Variants in SAMD5 observed in about 807,000 individuals in gnomAD.
SAMD5 encodes sterile alpha motif domain-containing protein 5.
A neutral mutation model predicts 11.3 loss-of-function variants in SAMD5; 13 were observed. The ratio of observed to expected loss-of-function variants is 1.15; its 90% CI spans 0.75 to 1.83. The LOEUF is 1.83. Among genes scored for constraint, SAMD5 ranks in the 40% most tolerant of loss-of-function variants. The pLI is 0.00. For synonymous variants in SAMD5, 129 were observed against 111.3 expected, an observed-to-expected ratio of 1.16 and a Z score of -1.00; for missense variants, 255 against 239.1, an observed-to-expected ratio of 1.07 and a Z score of -0.44.
chr6:147,547,653 A>G (rs1285252017), intron 1 of SAMD5, among the ~76,000 whole-genome samples: 4 of 152,200 alleles, frequency 2.6e-5, no homozygotes, highest in Non-Finnish European at 4.4e-5. Flanking sequence ...CCAACCCGAG[A>G]GAATAATCTC....
chr6:147,577,486 T>C (rs996584135), intron 1 of SAMD5, among the ~76,000 whole-genome samples: 12 of 152,168 alleles, frequency 7.9e-5, no homozygotes, highest in Non-Finnish European at 1.3e-4. Context: ...CTCATTCCTT[T>C]CTTTCTTTCT....
the SAMD5 span, among the ~76,000 whole-genome samples, chr6:147,803,941 G>A: frequency 6.6e-6 from 1 of 152,060 alleles, no homozygotes; most frequent in Non-Finnish European, 1.5e-5. Flanking sequence ...TGAAGCTCCT[G>A]CTCCTTCTCG....
chr6:147,747,399 G>C, the SAMD5 span, among the ~76,000 whole-genome samples: 2 of 152,196 alleles, frequency 1.3e-5, no homozygotes, highest in Admixed American at 6.5e-5. Flanking sequence ...ATTAAATGGG[G>C]ATGGTGAAGA....
At chr6:147,813,323 T>A in the SAMD5 span, among the ~76,000 whole-genome samples, 1 of 152,200 alleles carries the variant, frequency 6.6e-6, no homozygotes, top group African/African-American at 2.4e-5. Context: ...CAAACTCAAA[T>A]TGAATTGAGA....
At chr6:147,937,136 G>C in the SAMD5 span, among the ~76,000 whole-genome samples, 1 of 152,130 alleles carries the variant, frequency 6.6e-6, no homozygotes, top group South Asian at 2.1e-4. Context: ...ACCCACCTTT[G>C]TCTCTGCCAT....
chr6:147,941,183 A>C, the SAMD5 span, among the ~76,000 whole-genome samples: 4 of 152,194 alleles, frequency 2.6e-5, no homozygotes, highest in South Asian at 2.1e-4. Flanking sequence ...TAGAGGCAAT[A>C]CCTACCTGTG....
the SAMD5 span, among the ~76,000 whole-genome samples, chr6:147,813,391 A>G: frequency 3.9e-5 from 6 of 152,220 alleles, no homozygotes; most frequent in East Asian, 5.8e-4. Context: ...GTATTTTATG[A>G]CTACCAAGTT....
At chr6:147,730,351 G>A in intron 1 of SAMD5, 1 of 227,324 alleles carries the variant, frequency 4.4e-6, no homozygotes, top group Non-Finnish European at 9.0e-6. Context: ...AACAGTATGG[G>A]GGTGCCTACA....
chr6:147,780,192 T>C, the SAMD5 span, among the ~76,000 whole-genome samples: 1 of 152,084 alleles, frequency 6.6e-6, no homozygotes, highest in Admixed American at 6.6e-5. Flanking sequence ...TCCATCAATG[T>C]ATAACTTAAT....
chr6:147,807,747 C>G, the SAMD5 span, among the ~76,000 whole-genome samples: 826 of 152,276 alleles, frequency 5.4e-3, 4 homozygotes, highest in Non-Finnish European at 7.9e-3. Context: ...TAGAACCTTT[C>G]GTGTGTCTTA....
chr6:147,564,996 A>G lies in SAMD5; in HGVS notation c.*540A>G. ...CTATGTAGAATAGTTTGGTGAAGGA[A>G]TTCTTATTTTAAGGTGCTTTTATAT... On this transcript the variant is annotated 3_prime_UTR_variant, in exon 2 of 2. Transcript: ENST00000367474. 1 of 878,790 alleles carries G rather than the reference A, an allele frequency of 1.1e-6. No homozygotes were observed. The highest frequency in any genetic ancestry group is 1.4e-6 in the Non-Finnish European group (1 of 733,530). 54.4% of individuals were successfully genotyped at this position (878,790 alleles called of 1,614,324 possible). A position where few individuals can be genotyped will look rare whatever the true frequency, so the allele number is the denominator to read the frequency against.
At chr6:147,510,337 C>A (rs1268807502) in intron 1 of SAMD5, among the ~76,000 whole-genome samples, 2 of 152,186 alleles carry the variant, frequency 1.3e-5, no homozygotes, top group Non-Finnish European at 2.9e-5. Context: ...GTTTCTAGTT[C>A]AGGCGGCTGT....
the SAMD5 span, among the ~76,000 whole-genome samples, chr6:147,757,313 G>T: frequency 1.3e-5 from 2 of 152,098 alleles, no homozygotes; most frequent in African/African-American, 2.4e-5. Flanking sequence ...GCTGCCAATG[G>T]CTGCAAGGGG....
chr6:147,556,253 C>T (rs1022666328), intron 1 of SAMD5, among the ~76,000 whole-genome samples: 19 of 152,062 alleles, frequency 1.2e-4, no homozygotes, highest in Middle Eastern at 3.4e-3. Context: ...CCACCACGCC[C>T]GGCTAATTTT....
chr6:147,852,935 A>G, the SAMD5 span, among the ~76,000 whole-genome samples: 13 of 152,286 alleles, frequency 8.5e-5, no homozygotes, highest in African/African-American at 3.1e-4. Context: ...TTTTACATTT[A>G]TTTTTCATAG....
the SAMD5 span, among the ~76,000 whole-genome samples, chr6:147,930,369 T>C: frequency 6.6e-6 from 1 of 152,174 alleles, no homozygotes; most frequent in Non-Finnish European, 1.5e-5. Flanking sequence ...CCAAAGCCAC[T>C]TCCACATTTT....
the SAMD5 span, among the ~76,000 whole-genome samples, chr6:147,919,446 A>G: frequency 6.6e-6 from 1 of 152,228 alleles, no homozygotes; most frequent in South Asian, 2.1e-4. Flanking sequence ...AACAAACACC[A>G]TAAGACAGTA....
downstream of SAMD5, among the ~76,000 whole-genome samples, chr6:147,740,099 T>C (rs998383267): frequency 4.6e-5 from 7 of 152,204 alleles, no homozygotes; most frequent in African/African-American, 1.7e-4. Flanking sequence ...ATTGCAGGCA[T>C]GAGCCACCAC....
At chr6:147,620,835 A>G (rs1789948770) in intron 1 of SAMD5, among the ~76,000 whole-genome samples, 3 of 152,078 alleles carry the variant, frequency 2.0e-5, no homozygotes, top group African/African-American at 7.2e-5. Flanking sequence ...GAGGGGGTCA[A>G]TTTGGATGTT....
Sources: gnomAD v4.1 joint callset for allele counts (sites outside exome capture counted in the v4.1 genomes callset) on GRCh38, gnomAD v4.1.1 for gene constraint, MANE v1.5 for transcripts, NCBI Gene and HGNC (gene_info 2026-07-23, HGNC 2026-07-21) for gene names.